Variants in ZNF276 observed in about 807,000 individuals in gnomAD.
The protein encoded by ZNF276 is zinc finger protein 276, also known as centromere protein Z.
In ZNF276, 59 loss-of-function variants were observed where a neutral mutation model predicts 63.9. The observed-to-expected ratio is 0.92, with a 90% CI of 0.75 to 1.15. ZNF276 has a LOEUF of 1.15. Ranked by LOEUF, ZNF276 falls within the 50% of genes most tolerant of loss-of-function variation. ZNF276 has a pLI of 0.00. For synonymous variants in ZNF276, 496 were observed against 348.4 expected (o/e 1.42, Z -4.72); for missense variants, 1,084 against 843.8 (o/e 1.28, Z -3.53).
chr16:89,740,319 A>C lies in ZNF276; in HGVS notation c.*2073A>C, dbSNP rs534748856. 1.7e-6 allele frequency: 1 copy of C among 578,290 alleles called. No individual in the cohort carries two copies. The highest frequency in any genetic ancestry group is 1.9e-5 in the African/African-American group (1 of 53,460). 35.8% of individuals were successfully genotyped at this position (578,290 alleles called of 1,614,324 possible). Reference sequence around the variant, plus strand: ...CGAGCACCCACACCAAGGCTGCTGCACCACGTCCTCAAATAAGACATTAAA... The same window carrying C: ...CGAGCACCCACACCAAGGCTGCTGCCCCACGTCCTCAAATAAGACATTAAA... On this transcript the variant is annotated 3_prime_UTR_variant, in exon 11 of 11. Transcript: ENST00000443381.
rs1043621073 is a variant in ZNF276 at position 89,721,695 on chromosome 16, G to T, written c.55G>T (p.Gly19Trp). 2.7e-5 allele frequency: 38 copies of T among 1,396,290 alleles called. No individual in the cohort carries two copies. In the East Asian group the frequency reaches 1.2e-3, roughly 43 times the overall value. The allele number at this position is 1,396,290 out of a possible 1,614,324, so 86.5% of individuals were successfully genotyped here. Reference sequence around the variant, plus strand: ...GTCTCCTGGGTCGTCCCGACAGTGCGGGGCCTCGGACGGCGGCGGCGGCGT... The same window carrying T: ...GTCTCCTGGGTCGTCCCGACAGTGCTGGGCCTCGGACGGCGGCGGCGGCGT... ...FLSPGSSRQC[G>W]ASDGGGGVSR... is the part of the protein sequence containing the mutation. Residue 19 changes from glycine to tryptophan, a missense_variant, in exon 1 of 11, where the codon GGG (glycine) becomes TGG (tryptophan). By Grantham distance (184) the Gly-to-Trp change is radical. Transcript: ENST00000443381.
intron 4 of ZNF276, among the ~76,000 whole-genome samples, chr16:89,725,355 T>C (rs2061437092): frequency 6.6e-6 from 1 of 151,734 alleles, no homozygotes; most frequent in Admixed American, 6.6e-5. Flanking sequence ...CTAATTTTTG[T>C]ATTTTTAGTA....
chr16:89,727,613 T>G (rs1010732078), intron 5 of ZNF276, among the ~76,000 whole-genome samples: 1 of 152,124 alleles, frequency 6.6e-6, no homozygotes, highest in Non-Finnish European at 1.5e-5. Context: ...CTTCCGAGGC[T>G]TCTTGTCTCT....
chr16:89,729,415 C>T (rs780661468), intron 6 of ZNF276, 97 bp downstream of exon 6: 32 of 1,096,642 alleles, frequency 2.9e-5, no homozygotes, highest in Non-Finnish European at 4.3e-5. Context: ...ACTCAGTTCA[C>T]TCTCTCGTGT....
At position 89,740,186 on chromosome 16, in the gene ZNF276, CATTT is replaced by C; in HGVS notation, c.*1941_*1944del. 2 of 1,040,958 alleles carry C rather than the reference CATTT, an allele frequency of 1.9e-6. No homozygotes were observed. Among genetic ancestry groups the C allele is most frequent in the Non-Finnish European group, 3.0e-6 (2 of 658,768 alleles). 64.5% of individuals were successfully genotyped at this position (1,040,958 alleles called of 1,614,324 possible). A position where few individuals can be genotyped will look rare whatever the true frequency, so the allele number is the denominator to read the frequency against. ...GTACAGCCCTCAGCACAGAAGAGGG[CATTT>C]CCTCTTTGCTTATTGTAAGTCTTAA... On this transcript the variant is annotated 3_prime_UTR_variant, in exon 11 of 11. Coordinates refer to ENST00000443381, the MANE Select transcript of ZNF276 (RefSeq NM_001113525.2).
Position 89,733,404 on chromosome 16 carries a change from T to C in ZNF276, c.1272T>C (p.Arg424=), listed in dbSNP as rs1255327064. Residue 424 remains arginine (R), a synonymous_variant, in exon 7 of 11, where the codon CGT becomes CGC. Coordinates refer to ENST00000443381, the MANE Select transcript of ZNF276 (RefSeq NM_001113525.2). ...GPKPGWKKKL[R]CEREELPTIY... is the part of the protein sequence containing the mutation. The stretch of plus-strand genomic sequence containing the variant: ...AGCCCGGATGGAAGAAGAAGCTTCG[T>C]TGTGAGAGGTGATGCCTGCAACGCG... The C allele has an allele frequency of 6.2e-6, 10 of 1,613,982 alleles. No homozygotes were observed. The highest frequency in any genetic ancestry group is 7.6e-6 in the Non-Finnish European group (9 of 1,180,036).
chr16:89,737,690 T>C (rs1241789947), intron 9 of ZNF276, 116 bp from the exon 10 acceptor site: 4 of 1,563,256 alleles, frequency 2.6e-6, no homozygotes, highest in East Asian at 4.5e-5. Context: ...GCCCACTGCA[T>C]GGTGAACCAT....
intron 9 of ZNF276, among the ~76,000 whole-genome samples, chr16:89,734,573 C>A (rs2061786128): frequency 6.6e-6 from 1 of 152,142 alleles, no homozygotes; most frequent in Non-Finnish European, 1.5e-5. Flanking sequence ...GTGATCTCAG[C>A]CTTCCAAAGT....
Position 89,739,112 on chromosome 16 carries a change from G to A in ZNF276, c.*866G>A, listed in dbSNP as rs746203082. The A allele has an allele frequency of 2.5e-6, 4 of 1,613,938 alleles. No homozygotes were observed. The highest frequency in any genetic ancestry group is 3.4e-6 in the Non-Finnish European group (4 of 1,179,922). On this transcript the variant is annotated 3_prime_UTR_variant, in exon 11 of 11. Coordinates refer to ENST00000443381, the MANE Select transcript of ZNF276 (RefSeq NM_001113525.2). ...GGCTGGGGGGAGCTCCCCTGGAGGTGGGACTGGCCCTTGCACCTGCCTGAC... is the reference window on the plus strand; with the variant it reads ...GGCTGGGGGGAGCTCCCCTGGAGGTAGGACTGGCCCTTGCACCTGCCTGAC...
At chr16:89,720,637 C>T (rs1011007489), upstream of ZNF276, 8 of 1,226,784 alleles carry the variant, frequency 6.5e-6, no homozygotes, top group Non-Finnish European at 8.1e-6. Flanking sequence ...AACCGCGGCC[C>T]GGGATCCCGG....
intron 2 of ZNF276, 97 bp downstream of exon 2, chr16:89,722,931 G>C (rs2061346558): frequency 6.4e-7 from 1 of 1,557,600 alleles, no homozygotes. Context: ...GGGAGCCTCT[G>C]GGTGGGGGGA....
rs2061275724 is a variant in ZNF276 at position 89,721,586 on chromosome 16, T to TA, written c.-54dup. Reference sequence around the variant, plus strand: ...GAGCGGAGCCTAACGCCGGGTCCTCTAGGAACCTCGGGCCGGGCAGCACCC... The same window carrying TA: ...GAGCGGAGCCTAACGCCGGGTCCTCTAAGGAACCTCGGGCCGGGCAGCACCC... On this transcript the variant is annotated 5_prime_UTR_variant, in exon 1 of 11. Transcript: ENST00000443381. 2 of 1,453,310 alleles carry TA rather than the reference T, an allele frequency of 1.4e-6. No individual in the cohort carries two copies. Among genetic ancestry groups the TA allele is most frequent in the Non-Finnish European group, 1.8e-6 (2 of 1,103,730 alleles). The allele number at this position is 1,453,310 out of a possible 1,614,324, so 90.0% of individuals were successfully genotyped here. A position where few individuals can be genotyped will look rare whatever the true frequency, so the allele number is the denominator to read the frequency against.
Position 89,740,627 on chromosome 16 carries a change from C to A in ZNF276, c.*2381C>A. ...CTCCAGCCTGGGTGACAGAGTGAGA[C>A]CCCCATCTCAAAAAAAAAAAAAAAA... On this transcript the variant is annotated 3_prime_UTR_variant, in exon 11 of 11. Transcript: ENST00000443381. The A allele has an allele frequency of 1.6e-6, 1 of 611,494 alleles. No homozygotes were observed. Among genetic ancestry groups the A allele is most frequent in the Non-Finnish European group, 2.9e-6 (1 of 342,470 alleles). The allele number at this position is 611,494 out of a possible 1,614,324, so 37.9% of individuals were successfully genotyped here. A position where few individuals can be genotyped will look rare whatever the true frequency, so the allele number is the denominator to read the frequency against.
chr16:89,735,903 GTTTT>G (rs200751094), intron 9 of ZNF276, among the ~76,000 whole-genome samples: 1 of 81,878 alleles, frequency 1.2e-5, no homozygotes, highest in Non-Finnish European at 2.3e-5. Context: ...TTGTTTGTTT[GTTTT>G]TTTGACTGAG....
In ZNF276 at chr16:89,722,700, C is replaced by T. The variant is rs1318207210; in HGVS notation, c.375C>T (p.Val125=). Residue 125 remains valine, a synonymous_variant, in exon 2 of 11, where the codon GTC becomes GTT. Transcript: ENST00000443381. ...RDFQRLLGVA[V]RQDPTLSPFV... ...TCCAGCGCCTGCTTGGTGTGGCTGT[C>T]CGCCAGGACCCCACCTTGTCTCCGT... 1 of 1,612,250 alleles carries T rather than the reference C, an allele frequency of 6.2e-7. No individual in the cohort carries two copies. Among genetic ancestry groups the T allele is most frequent in the Admixed American group, 1.7e-5 (1 of 60,010 alleles).
intron 9 of ZNF276, among the ~76,000 whole-genome samples, chr16:89,734,803 AT>A (rs2061796992): frequency 6.6e-6 from 1 of 152,216 alleles, no homozygotes; most frequent in Non-Finnish European, 1.5e-5. Context: ...TGCCCGTCTT[AT>A]TTTTCACAAT....
chr16:89,728,953 G>A (rs112578319), intron 5 of ZNF276, among the ~76,000 whole-genome samples: 8 of 152,338 alleles, frequency 5.3e-5, no homozygotes, highest in South Asian at 4.1e-4. Context: ...ACCTTTGAGC[G>A]CCTCCACCCC....
chr16:89,738,055 C>G lies in ZNF276; in HGVS notation c.1654C>G (p.Leu552Val). 1 of 1,614,134 alleles carries G rather than the reference C, an allele frequency of 6.2e-7. No homozygotes were observed. The highest frequency in any genetic ancestry group is 8.5e-7 in the Non-Finnish European group (1 of 1,180,040). The change falls in exon 11 of 11, where the codon CTG becomes GTG. Residue 552 changes from leucine to valine, a missense_variant. Transcript: ENST00000443381. ...GACCAAACACAAGGCTGAGACTGAG[C>G]TGGACTTTGCCTGTGACCAGTGTGG... ...HMTKHKAETELDFACDQCGRR... is the reference protein window; with the variant it reads ...HMTKHKAETEVDFACDQCGRR...
chr16:89,720,463 G>T, upstream of ZNF276: 1 of 1,084,796 alleles, frequency 9.2e-7, no homozygotes, highest in Non-Finnish European at 1.1e-6. Flanking sequence ...CTCGGATTTT[G>T]GAAGGTGGCC....
Sources: allele counts gnomAD v4.1 joint callset (sites outside exome capture counted in the v4.1 genomes callset), GRCh38; gene constraint gnomAD v4.1.1; transcripts MANE v1.5; gene names NCBI Gene and HGNC (gene_info 2026-07-23, HGNC 2026-07-21).